Variants in CELF1 observed in about 807,000 individuals in gnomAD.
The protein encoded by CELF1 is CUGBP Elav-like family member 1.
In CELF1, 10 loss-of-function variants were observed where a neutral mutation model predicts 61.8. The observed-to-expected ratio is 0.16, with a 90% CI of 0.10 to 0.27. CELF1 has a LOEUF of 0.27. Among genes scored for constraint, CELF1 ranks in the 10% least tolerant of loss-of-function variants. The probability of loss-of-function intolerance (pLI) is 1.00; values close to 1 mark genes in which losing one functional copy is unlikely to be tolerated. For missense variants in CELF1, 380 were observed against 639.1 expected (o/e 0.59, Z 4.37); for synonymous variants, 236 against 225.1 (o/e 1.05, Z -0.43).
chr11:47,478,094 G>A (rs2081096632), intron 10 of CELF1, among the ~76,000 whole-genome samples: 1 of 152,086 alleles, frequency 6.6e-6, no homozygotes, highest in African/African-American at 2.4e-5. Context: ...GGGGTGGGGG[G>A]AGTGGAAAGA....
At chr11:47,489,943 T>TG (rs1555170287) in intron 3 of CELF1, among the ~76,000 whole-genome samples, 1 of 116,038 alleles carries the variant, frequency 8.6e-6, no homozygotes, top group Non-Finnish European at 1.8e-5. Context: ...TTGTTTTTTT[T>TG]TTTTTTTTTT....
At chr11:47,493,092 G>A (rs2092204513) in intron 3 of CELF1, among the ~76,000 whole-genome samples, 3 of 152,206 alleles carry the variant, frequency 2.0e-5, no homozygotes, top group South Asian at 2.1e-4. Flanking sequence ...AAGTTTAGCA[G>A]GGACTCAAGA....
chr11:47,529,255 T>C (rs2096376816), intron 1 of CELF1, among the ~76,000 whole-genome samples: 1 of 146,726 alleles, frequency 6.8e-6, no homozygotes. Context: ...AATCCTACCT[T>C]GGAGCAAAGA....
chr11:47,565,307 A>C, exon 1 of CELF1: 1 of 178,894 alleles, frequency 5.6e-6, no homozygotes, highest in Non-Finnish European at 1.2e-5. Flanking sequence ...CGGAGGAGGG[A>C]GGTCACCGGC....
At chr11:47,515,571 T>C (rs2095508697) in intron 1 of CELF1, among the ~76,000 whole-genome samples, 1 of 152,220 alleles carries the variant, frequency 6.6e-6, no homozygotes, top group Non-Finnish European at 1.5e-5. Context: ...GTTAGTACCA[T>C]GTAGGCAGAA....
intron 9 of CELF1, among the ~76,000 whole-genome samples, chr11:47,482,199 C>T (rs187484607): frequency 6.8e-5 from 10 of 146,370 alleles, no homozygotes; most frequent in South Asian, 2.2e-4. Flanking sequence ...AGTGAGACTC[C>T]GTCTCAAAAA....
intron 1 of CELF1, among the ~76,000 whole-genome samples, chr11:47,541,193 A>G (rs2096764649): frequency 6.6e-6 from 1 of 152,196 alleles, no homozygotes; most frequent in Non-Finnish European, 1.5e-5. Flanking sequence ...AGATGTCCAA[A>G]TAATACTGGG....
At chr11:47,491,970 C>T (rs532746493) in intron 3 of CELF1, among the ~76,000 whole-genome samples, 67 of 152,278 alleles carry the variant, frequency 4.4e-4, no homozygotes, top group African/African-American at 1.5e-3. Context: ...TTAATTGCCA[C>T]AGGATTAATA....
intron 1 of CELF1, among the ~76,000 whole-genome samples, chr11:47,540,324 G>C (rs1349852233): frequency 6.6e-6 from 1 of 152,210 alleles, no homozygotes; most frequent in East Asian, 1.9e-4. Context: ...GAAATGTGAT[G>C]TCTGCTCCTC....
At chr11:47,546,129 C>G (rs906066161) in intron 1 of CELF1, among the ~76,000 whole-genome samples, 1 of 151,456 alleles carries the variant, frequency 6.6e-6, no homozygotes, top group African/African-American at 2.4e-5. Context: ...CCAGGATGGT[C>G]TCGATCTCCT....
chr11:47,555,133 T>C (rs146126446), upstream of CELF1, among the ~76,000 whole-genome samples: 47 of 152,328 alleles, frequency 3.1e-4, no homozygotes, highest in East Asian at 7.7e-3. Context: ...ATAAATATTG[T>C]TGACTTACTG....
intron 1 of CELF1, among the ~76,000 whole-genome samples, chr11:47,507,909 A>T (rs1402627745): frequency 6.6e-6 from 1 of 152,190 alleles, no homozygotes; most frequent in African/African-American, 2.4e-5. Context: ...AACTAATTAA[A>T]AAAAAAAACA....
intron 1 of CELF1, among the ~76,000 whole-genome samples, chr11:47,544,670 T>A (rs893714719): frequency 3.3e-5 from 5 of 152,254 alleles, no homozygotes; most frequent in African/African-American, 1.2e-4. Context: ...ACTGTAATTC[T>A]AGTATACGTG....
At chr11:47,533,444 A>C (rs2096539679) in intron 1 of CELF1, among the ~76,000 whole-genome samples, 1 of 152,132 alleles carries the variant, frequency 6.6e-6, no homozygotes, top group African/African-American at 2.4e-5. Flanking sequence ...CAACATGGTG[A>C]AACCCCCTCT....
At chr11:47,547,162 A>C (rs538095171) in intron 1 of CELF1, among the ~76,000 whole-genome samples, 45 of 151,992 alleles carry the variant, frequency 3.0e-4, no homozygotes, top group Admixed American at 3.3e-4. Context: ...AAAATGCTAT[A>C]AACAGTGATT....
At chr11:47,559,015 TTATA>T (rs2097217585) in intron 2 of CELF1, among the ~76,000 whole-genome samples, 1 of 143,040 alleles carries the variant, frequency 7.0e-6, no homozygotes, top group African/African-American at 2.6e-5. Context: ...ATAATATATG[TTATA>T]TATAATATAT....
intron 1 of CELF1, among the ~76,000 whole-genome samples, chr11:47,509,997 G>T (rs2094955985): frequency 6.6e-6 from 1 of 151,934 alleles, no homozygotes; most frequent in Non-Finnish European, 1.5e-5. Context: ...GGGAAGCGGA[G>T]GTTGCAGTGA....
At chr11:47,559,727 C>T (rs751760666) in intron 2 of CELF1, among the ~76,000 whole-genome samples, 48 of 152,154 alleles carry the variant, frequency 3.2e-4, no homozygotes, top group Middle Eastern at 3.2e-3. Flanking sequence ...AGAGGCCGGG[C>T]GCAGTGGCCC....
At chr11:47,504,226 T>C (rs371497843) in intron 1 of CELF1, among the ~76,000 whole-genome samples, 8 of 151,346 alleles carry the variant, frequency 5.3e-5, no homozygotes, top group African/African-American at 1.7e-4. Context: ...CATAAGAATC[T>C]AGACAATGTA....
Sources: allele counts gnomAD v4.1 joint callset (sites outside exome capture counted in the v4.1 genomes callset), GRCh38; gene constraint gnomAD v4.1.1; transcripts MANE v1.5; gene names NCBI Gene and HGNC (gene_info 2026-07-23, HGNC 2026-07-21).